The following COL3A1 variants were observed in gnomAD, a reference collection of about 807,000 sequenced individuals.
COL3A1 encodes the protein collagen alpha-1(III) chain.
In COL3A1, 46 loss-of-function variants were observed where a neutral mutation model predicts 200.9. The observed-to-expected ratio is 0.23, with a 90% CI of 0.18 to 0.29. The LOEUF (loss-of-function observed/expected upper bound fraction) is 0.29. Ranked by LOEUF, COL3A1 falls within the 10% of genes least tolerant of loss-of-function variation. The pLI is 1.00. For synonymous variants in COL3A1, 650 were observed against 628.0 expected (o/e 1.03, Z -0.52); for missense variants, 1,367 against 1,917.6 (o/e 0.71, Z 5.36).
At chr2:188,987,262 A>G in intron 5 of COL3A1, 123 bp downstream of exon 5, 1 of 797,488 alleles carries the variant, frequency 1.3e-6, no homozygotes, top group Non-Finnish European at 2.2e-6. Flanking sequence ...GCTTACCCCT[A>G]CTAAGGTTGG....
At chr2:188,991,450 C>A in intron 11 of COL3A1, 37 bp from the exon 12 acceptor site, 1 of 1,421,424 alleles carries the variant, frequency 7.0e-7, no homozygotes, top group Non-Finnish European at 9.7e-7. Flanking sequence ...TTTTCTTCCT[C>A]TTTTGTAAAA....
Position 188,990,260 on chromosome 2 carries a change from G to C in COL3A1, c.745-47G>C, listed in dbSNP as rs41272821. On this transcript the variant is annotated intron_variant, in intron 9 of 50. Transcript: ENST00000304636. Reference sequence around the variant, plus strand: ...AGAAAGTGTTTTACTACTAGATTGTGATTCTATTTGAAGGTTCATTAATAT... The same window carrying C: ...AGAAAGTGTTTTACTACTAGATTGTCATTCTATTTGAAGGTTCATTAATAT... 4.1e-4 allele frequency: 656 copies of C among 1,588,918 alleles called. 1 individual carries two copies. In the African/African-American group the frequency reaches 8.1e-3, roughly 20 times the overall value.
Position 188,994,667 on chromosome 2 carries a change from A to G in COL3A1, c.1348-57A>G, listed in dbSNP as rs1463543171. 1.2e-6 allele frequency: 2 copies of G among 1,612,310 alleles called. No individual in the cohort carries two copies. The highest frequency in any genetic ancestry group is 1.7e-6 in the Non-Finnish European group (2 of 1,178,754). ...ATAATTAGAAAGTAAACAGGTAAAA[A>G]CTTTGAACTAAATTCAGTCATAATT... is the stretch of plus-strand genomic sequence containing the variant. On this transcript the variant is annotated intron_variant, in intron 19 of 50. Transcript: ENST00000304636. This position sits in a 1 kb window ranked among gnomAD's most constrained non-coding sequence, Gnocchi z 4.5.
chr2:189,008,797 T>C (rs904065199), intron 47 of COL3A1, 127 bp from the exon 48 acceptor site: 2 of 1,068,144 alleles, frequency 1.9e-6, no homozygotes, highest in African/African-American at 3.1e-5. Flanking sequence ...AAATAAATCT[T>C]TAGTAAAATA....
intron 21 of COL3A1, 152 bp downstream of exon 21, chr2:188,995,251 A>G (rs1169279236): frequency 1.1e-5 from 8 of 751,128 alleles, no homozygotes; most frequent in Non-Finnish European, 1.5e-5. Context: ...CTGTTCAACA[A>G]CTTTCCTGGC....
intron 26 of COL3A1, 67 bp downstream of exon 26, chr2:188,997,456 A>G (rs1349997644): frequency 5.4e-6 from 8 of 1,475,474 alleles, no homozygotes; most frequent in Non-Finnish European, 5.7e-6. Context: ...AATGCTTCAA[A>G]AATTACATAA....
At chr2:188,991,635 T>C in intron 12 of COL3A1, 34 bp from the exon 13 acceptor site, 1 of 1,613,172 alleles carries the variant, frequency 6.2e-7, no homozygotes, top group Non-Finnish European at 8.5e-7. Context: ...ATGTCAAGAT[T>C]AGAGTAAAAC....
intron 1 of COL3A1, among the ~76,000 whole-genome samples, chr2:188,983,908 T>C (rs930020093): frequency 5.9e-5 from 9 of 151,944 alleles, no homozygotes; most frequent in Non-Finnish European, 1.3e-4. Flanking sequence ...AGGTTTTGTT[T>C]TGGCAATTCC....
Position 188,999,396 on chromosome 2 carries a change from C to A in COL3A1, c.2121+13C>A. On this transcript the variant is annotated intron_variant, in intron 30 of 50. Coordinates refer to ENST00000304636, the MANE Select transcript of COL3A1 (RefSeq NM_000090.4). ...CGAAGGAGGAAAGGTAACTCCACAG[C>A]ATTCCATTCACCTAGGTTTAAAAAA... The A allele has an allele frequency of 1.9e-6, 3 of 1,613,416 alleles. No homozygotes were observed. The highest frequency in any genetic ancestry group is 2.5e-6 in the Non-Finnish European group (3 of 1,179,568).
In COL3A1 at chr2:188,992,872, A is replaced by G. The variant is rs1559055557; in HGVS notation, c.997-15A>G. The G allele has an allele frequency of 6.2e-7, 1 of 1,613,068 alleles. No individual in the cohort carries two copies. The highest frequency in any genetic ancestry group is 8.5e-7 in the Non-Finnish European group (1 of 1,179,254). ...GTTGAAAAAGAGCTCTTGAAATTGTATTTAATTTTTTCAGGGCCCTCCTGG... is the reference window on the plus strand; with the variant it reads ...GTTGAAAAAGAGCTCTTGAAATTGTGTTTAATTTTTTCAGGGCCCTCCTGG... On this transcript the variant is annotated splice_polypyrimidine_tract_variant and intron_variant, in intron 14 of 50. Transcript: ENST00000304636.
chr2:189,006,452 T>C lies in COL3A1; in HGVS notation c.3201T>C (p.Ser1067=), dbSNP rs1438044190. 13 of 1,613,836 alleles carry C rather than the reference T, an allele frequency of 8.1e-6. 1 individual carries two copies. The South Asian group carries it at 1.4e-4, about 18-fold the overall frequency. Residue 1067 remains serine, a splice_region_variant and synonymous_variant, in exon 43 of 51, where the codon AGT becomes AGC. Transcript: ENST00000304636. ...GAAAGAGTGGTGACAGAGGAGAAAGTGTGAGTTCCCAAAAGCAGCATCTGT... is the reference window on the plus strand; with the variant it reads ...GAAAGAGTGGTGACAGAGGAGAAAGCGTGAGTTCCCAAAAGCAGCATCTGT... The part of the protein sequence containing the change: ...PAGKSGDRGE[S]GPAGPAGAPG...
At chr2:188,987,602 A>G (rs960104697) in intron 5 of COL3A1, among the ~76,000 whole-genome samples, 8 of 152,102 alleles carry the variant, frequency 5.3e-5, no homozygotes, top group African/African-American at 9.7e-5. Flanking sequence ...CTCTATGTCA[A>G]TTAACTCTGT....
intron 2 of COL3A1, 35 bp downstream of exon 2, chr2:188,984,997 T>A (rs1400755004): frequency 6.3e-7 from 1 of 1,594,044 alleles, no homozygotes; most frequent in Admixed American, 1.7e-5. Context: ...TCTTCAATAT[T>A]CATATTTAGA....
At chr2:188,993,062 C>A in intron 15 of COL3A1, 122 bp downstream of exon 15, 1 of 875,960 alleles carries the variant, frequency 1.1e-6, no homozygotes, top group Non-Finnish European at 1.9e-6. Context: ...CTATACATGT[C>A]TTTAAAGCCC....
rs1484867480 is a variant in COL3A1 at position 189,006,237 on chromosome 2, G to A, written c.3071G>A (p.Arg1024Gln). 8 of 1,614,028 alleles carry A rather than the reference G, an allele frequency of 5.0e-6. No individual in the cohort carries two copies. Among genetic ancestry groups the A allele is most frequent in the Middle Eastern group, 1.6e-4 (1 of 6,084 alleles). Residue 1024 changes from arginine (R) to glutamine (Q), a missense_variant, in exon 42 of 51, where the codon CGA (arginine) becomes CAA (glutamine). Around this residue, in one of 5 missense-constraint regions of COL3A1, gnomAD observed 846 missense variants for 1,147.9 expected, o/e 0.74. Coordinates refer to ENST00000304636, the MANE Select transcript of COL3A1 (RefSeq NM_000090.4). ...CCTGGATCAGATGGTCTTCCAGGCC[G>A]AGATGGATCTCCTGGTGGCAAGGTA... ...GNPGSDGLPG[R>Q]DGSPGGKGDR...
chr2:188,992,052 C>A, intron 13 of COL3A1, 132 bp from the exon 14 acceptor site: 1 of 851,154 alleles, frequency 1.2e-6, no homozygotes, highest in Non-Finnish European at 2.0e-6. Flanking sequence ...CTTTAAAATA[C>A]ATAATTATTA....
intron 43 of COL3A1, 23 bp from the exon 44 acceptor site, chr2:189,006,914 T>A: frequency 6.2e-7 from 1 of 1,612,988 alleles, no homozygotes; most frequent in Non-Finnish European, 8.5e-7. Context: ...GTATGTCTTC[T>A]CAATTGAATG....
In COL3A1 at chr2:189,009,138, G is replaced by C; in HGVS notation, c.3740G>C (p.Ser1247Thr). Residue 1247 changes from serine to threonine, a missense_variant, in exon 48 of 51, where the codon AGC becomes ACC. Transcript: ENST00000304636. ...SLKSVNGQIE[S>T]LISPDGSRKN... ...AAGTCTGTTAATGGACAAATAGAAA[G>C]CCTCATTAGTCCTGATGGTTCTCGT... is the stretch of plus-strand genomic sequence containing the variant. 6.2e-7 allele frequency: 1 copy of C among 1,614,178 alleles called. No homozygotes were observed.
Position 189,007,096 on chromosome 2 carries a change from A to AATATATAT in COL3A1, c.3255+143_3255+150dup, listed in dbSNP as rs36195651. On this transcript the variant is annotated intron_variant, in intron 44 of 50. Coordinates refer to ENST00000304636, the MANE Select transcript of COL3A1 (RefSeq NM_000090.4). Reference sequence around the variant, plus strand: ...CCAGCGTGTTCAGGAAAAAAGAATGAATATATATATATATATATATATATA... The same window carrying AATATATAT: ...CCAGCGTGTTCAGGAAAAAAGAATGAATATATATATATATATATATATATATATATATA... 792 of 229,550 alleles carry AATATATAT rather than the reference A, an allele frequency of 3.5e-3. 14 individuals carry two copies. The highest frequency in any genetic ancestry group is 6.4e-3 in the African/African-American group (177 of 27,736). 14.2% of individuals were successfully genotyped at this position (229,550 alleles called of 1,614,324 possible).
Sources: allele counts gnomAD v4.1 joint callset (sites outside exome capture counted in the v4.1 genomes callset), GRCh38; gene constraint gnomAD v4.1.1; regional missense constraint gnomAD v4.1.1; non-coding constraint Gnocchi (gnomAD v3.1); transcripts MANE v1.5; gene names NCBI Gene and HGNC (gene_info 2026-07-23, HGNC 2026-07-21).